The following CNTN6 variants were observed in gnomAD, a reference collection of about 807,000 sequenced individuals.
CNTN6 encodes contactin 6, also known as contactin-6.
In CNTN6, 137 loss-of-function variants were observed where a neutral mutation model predicts 122.8. The observed-to-expected ratio is 1.12, with a 90% CI of 0.97 to 1.29. CNTN6 has a LOEUF of 1.29. CNTN6 is among the 50% of genes most tolerant of loss of function. The pLI is 0.00. For missense variants in CNTN6, 1,634 were observed against 1,223.4 expected (o/e 1.34, Z -5.01); for synonymous variants, 570 against 426.0 (o/e 1.34, Z -4.16).
At chr3:1,166,841 A>C (rs894619223) in intron 2 of CNTN6, among the ~76,000 whole-genome samples, 3 of 152,174 alleles carry the variant, frequency 2.0e-5, no homozygotes, top group Non-Finnish European at 2.9e-5. Flanking sequence ...CTATGAGAAC[A>C]CATGGACACG....
At chr3:1,362,212 C>G (rs1394308088) in intron 12 of CNTN6, among the ~76,000 whole-genome samples, 1 of 152,002 alleles carries the variant, frequency 6.6e-6, no homozygotes, top group Non-Finnish European at 1.5e-5. Flanking sequence ...GTAAATCTTC[C>G]CGGTACAAAT....
intron 17 of CNTN6, among the ~76,000 whole-genome samples, chr3:1,379,601 C>T (rs937289521): frequency 6.6e-6 from 1 of 152,078 alleles, no homozygotes; most frequent in South Asian, 2.1e-4. Flanking sequence ...TAAGTTTACT[C>T]TCTGGCCCTC....
chr3:1,361,092 T>G (rs1214594556), intron 12 of CNTN6, among the ~76,000 whole-genome samples: 2 of 152,098 alleles, frequency 1.3e-5, no homozygotes, highest in Non-Finnish European at 2.9e-5. Flanking sequence ...AGGATGATTT[T>G]GTCTCCCAGG....
At chr3:1,304,999 A>AAAC (rs1553672553) in intron 7 of CNTN6, among the ~76,000 whole-genome samples, 5 of 151,750 alleles carry the variant, frequency 3.3e-5, no homozygotes, top group South Asian at 4.1e-4. Flanking sequence ...AAAAAAAAAA[A>AAAC]AAAAACAAAA....
At chr3:1,212,252 G>GTTTTTTTT (rs74499004) in intron 2 of CNTN6, among the ~76,000 whole-genome samples, 2 of 118,398 alleles carry the variant, frequency 1.7e-5, no homozygotes, top group African/African-American at 3.1e-5. Context: ...AATAAAACTT[G>GTTTTTTTT]TTTTTTTTTT....
At chr3:1,298,122 C>A (rs1274717149) in intron 7 of CNTN6, 131 bp downstream of exon 7, 4 of 637,160 alleles carry the variant, frequency 6.3e-6, no homozygotes, top group Non-Finnish European at 1.1e-5. Context: ...AACAGTGGAA[C>A]TTTCTGATTT....
intron 11 of CNTN6, among the ~76,000 whole-genome samples, chr3:1,330,652 C>G (rs941812425): frequency 6.6e-6 from 1 of 151,808 alleles, no homozygotes; most frequent in Admixed American, 6.6e-5. Flanking sequence ...CTAATGTGAA[C>G]GAGCCATTGT....
At chr3:1,356,883 C>T (rs183208509) in intron 12 of CNTN6, among the ~76,000 whole-genome samples, 3 of 151,888 alleles carry the variant, frequency 2.0e-5, no homozygotes, top group Admixed American at 1.3e-4. Flanking sequence ...GAAAGTGATG[C>T]TGCGTGAATT....
chr3:1,269,058 T>C (rs1007171557), intron 4 of CNTN6, among the ~76,000 whole-genome samples: 1 of 152,182 alleles, frequency 6.6e-6, no homozygotes, highest in Non-Finnish European at 1.5e-5. Flanking sequence ...GTATCATCAG[T>C]AATGTGATTA....
chr3:1,382,923 T>C lies in CNTN6; in HGVS notation c.2167-19T>C, dbSNP rs758084805. On this transcript the variant is annotated intron_variant, in intron 17 of 22. Transcript: ENST00000446702. Reference sequence around the variant, plus strand: ...AATATTTTTGCAAATACTCAGTGATTGATCACATTCTGCCCAAGTCAATTC... The same window carrying C: ...AATATTTTTGCAAATACTCAGTGATCGATCACATTCTGCCCAAGTCAATTC... 54 of 1,555,454 alleles carry C rather than the reference T, an allele frequency of 3.5e-5. No homozygotes were observed. Among genetic ancestry groups the C allele is most frequent in the Non-Finnish European group, 4.7e-5 (53 of 1,128,198 alleles).
chr3:1,132,122 G>A (rs796341675), intron 1 of CNTN6, among the ~76,000 whole-genome samples: 3 of 152,200 alleles, frequency 2.0e-5, no homozygotes, highest in East Asian at 1.9e-4. Flanking sequence ...TCTGGGAATC[G>A]ACAAGCAGAT....
chr3:1,260,059 T>A (rs566857827), intron 4 of CNTN6, among the ~76,000 whole-genome samples: 1 of 152,208 alleles, frequency 6.6e-6, no homozygotes, highest in African/African-American at 2.4e-5. Flanking sequence ...GGAAGAGATA[T>A]CCTTAAGCCA....
chr3:1,293,187 G>C (rs923171584), intron 5 of CNTN6, among the ~76,000 whole-genome samples: 2 of 151,970 alleles, frequency 1.3e-5, no homozygotes, highest in East Asian at 1.9e-4. Flanking sequence ...TAATTATTTT[G>C]CTCCTCCCCA....
chr3:1,098,731 G>T lies in CNTN6; in HGVS notation c.-83+5611G>T, dbSNP rs922836088. 2.2e-5 allele frequency among the ~76,000 whole-genome samples: 3 copies of T among 135,842 alleles called. No individual in the cohort carries two copies. In the Admixed American group the frequency reaches 2.4e-4, roughly 11 times the overall value. The allele number at this position is 135,842 out of a possible 152,430, so 89.1% of individuals were successfully genotyped here. A position where few individuals can be genotyped will look rare whatever the true frequency, so the allele number is the denominator to read the frequency against. On this transcript the variant is annotated intron_variant, in intron 1 of 22. Transcript: ENST00000446702. ...CAAGACAATTTTAGGTGTTACATAAGTCTTTGAATTCTTTTGGCAGTAATG... is the reference window on the plus strand; with the variant it reads ...CAAGACAATTTTAGGTGTTACATAATTCTTTGAATTCTTTTGGCAGTAATG...
chr3:1,096,767 T>A (rs1184731502), intron 1 of CNTN6, among the ~76,000 whole-genome samples: 1 of 152,196 alleles, frequency 6.6e-6, no homozygotes, highest in Non-Finnish European at 1.5e-5. Context: ...CGGTTTTCTC[T>A]GATGTCCCCC....
At chr3:1,128,784 A>C (rs146896482) in intron 1 of CNTN6, among the ~76,000 whole-genome samples, 1 of 152,046 alleles carries the variant, frequency 6.6e-6, no homozygotes, top group Non-Finnish European at 1.5e-5. Flanking sequence ...TTTTAAAAAA[A>C]TGACATTAGA....
chr3:1,226,522 A>G (rs2094286148), intron 3 of CNTN6, among the ~76,000 whole-genome samples: 1 of 152,170 alleles, frequency 6.6e-6, no homozygotes, highest in Admixed American at 6.6e-5. Context: ...TATCCAGAGG[A>G]AAGAAACACC....
chr3:1,214,766 T>C (rs915936195), intron 2 of CNTN6, among the ~76,000 whole-genome samples: 3 of 152,150 alleles, frequency 2.0e-5, no homozygotes, highest in Non-Finnish European at 4.4e-5. Context: ...TCTGTGTATG[T>C]ATGTGTGTGT....
intron 2 of CNTN6, among the ~76,000 whole-genome samples, chr3:1,170,052 T>C (rs903553843): frequency 6.6e-6 from 1 of 151,820 alleles, no homozygotes; most frequent in Non-Finnish European, 1.5e-5. Flanking sequence ...CTGGCCAACA[T>C]TGTGAAGCCC....
Sources: gnomAD v4.1 joint callset for allele counts (sites outside exome capture counted in the v4.1 genomes callset) on GRCh38, gnomAD v4.1.1 for gene constraint, MANE v1.5 for transcripts, NCBI Gene and HGNC (gene_info 2026-07-23, HGNC 2026-07-21) for gene names.